The following UNC79 variants were observed in gnomAD, a reference collection of about 807,000 sequenced individuals.
The protein encoded by UNC79 is protein unc-79 homolog.
A neutral mutation model predicts 283.1 loss-of-function variants in UNC79; 37 were observed. The ratio of observed to expected loss-of-function variants is 0.13; its 90% confidence interval spans 0.10 to 0.17. UNC79 has a LOEUF of 0.17. Among genes scored for constraint, UNC79 ranks in the 10% least tolerant of loss-of-function variants. The pLI is 1.00. For missense variants in UNC79, 2,272 were observed against 3,211.1 expected (o/e 0.71, Z 7.07); for synonymous variants, 1,107 against 1,200.2 (o/e 0.92, Z 1.61).
intron 39 of UNC79, among the ~76,000 whole-genome samples, chr14:93,660,551 ATATATATATATATGTGTGTGTG>A (rs2071453106): frequency 8.4e-6 from 1 of 118,454 alleles, no homozygotes; most frequent in South Asian, 2.6e-4. Context: ...ATATATATAT[ATATATATATATATGTGTGTGTG>A]TGTGTGTTCA....
At chr14:93,413,053 T>A (rs2055369067) in intron 1 of UNC79, among the ~76,000 whole-genome samples, 1 of 152,188 alleles carries the variant, frequency 6.6e-6, no homozygotes, top group Non-Finnish European at 1.5e-5. Context: ...ATTATTATAC[T>A]TTAAGTTTTA....
intron 17 of UNC79, 114 bp from the exon 18 acceptor site, chr14:93,577,728 G>A: frequency 9.7e-7 from 1 of 1,031,348 alleles, no homozygotes; most frequent in Non-Finnish European, 1.4e-6. Flanking sequence ...CATTGGTTAA[G>A]GAAAGAAATA....
intron 1 of UNC79, among the ~76,000 whole-genome samples, chr14:93,425,277 C>A (rs2055700549): frequency 6.6e-6 from 1 of 152,164 alleles, no homozygotes. Flanking sequence ...AGAACTCACT[C>A]ACTATCACAA....
chr14:93,538,230 T>G lies in UNC79; in HGVS notation c.1352+12T>G, dbSNP rs1176856081. 6.5e-7 allele frequency: 1 copy of G among 1,550,254 alleles called. No individual in the cohort carries two copies. Among genetic ancestry groups the G allele is most frequent in the East Asian group, 2.3e-5 (1 of 43,336 alleles). ...GAAGCCGTGATCAGGTAACACGCAG[T>G]TTCTTAGTAGCTGCCTCTGACAACT... is the stretch of plus-strand genomic sequence containing the variant. On this transcript the variant is annotated intron_variant, in intron 12 of 48. Transcript: ENST00000555664.
At chr14:93,363,389 G>A (rs2054264015) in intron 1 of UNC79, among the ~76,000 whole-genome samples, 1 of 152,148 alleles carries the variant, frequency 6.6e-6, no homozygotes, top group African/African-American at 2.4e-5. Context: ...TGATTGTGTG[G>A]TTGGGTTTAA....
intron 1 of UNC79, among the ~76,000 whole-genome samples, chr14:93,350,340 A>G (rs2053958514): frequency 6.6e-6 from 1 of 152,150 alleles, no homozygotes; most frequent in Non-Finnish European, 1.5e-5. Flanking sequence ...GAATGTGAAT[A>G]TATTTTTGGT....
intron 1 of UNC79, among the ~76,000 whole-genome samples, chr14:93,364,836 C>CT (rs2054297102): frequency 6.6e-6 from 1 of 151,844 alleles, no homozygotes; most frequent in African/African-American, 2.4e-5. Context: ...AAATGGAAAG[C>CT]TTTTACAACT....
At chr14:93,411,714 T>C (rs1172303246) in intron 1 of UNC79, among the ~76,000 whole-genome samples, 2 of 152,232 alleles carry the variant, frequency 1.3e-5, no homozygotes, top group African/African-American at 4.8e-5. Flanking sequence ...TATGAGTCTG[T>C]GAGAACCACA....
chr14:93,537,641 T>A (rs1297590628), intron 11 of UNC79, among the ~76,000 whole-genome samples: 1 of 152,210 alleles, frequency 6.6e-6, no homozygotes, highest in East Asian at 1.9e-4. Context: ...TTTTTTTCTT[T>A]ATATTTCTGC....
Position 93,347,209 on chromosome 14 carries a change from G to A in UNC79, c.-351+13686G>A. On this transcript the variant is annotated intron_variant, in intron 1 of 49. Transcript: ENST00000256339. ...CTGCCTCACGAGCACTGGAGCTTGCGTTACTTGGCCTCACCTCACCTGTGC... is the reference window on the plus strand; with the variant it reads ...CTGCCTCACGAGCACTGGAGCTTGCATTACTTGGCCTCACCTCACCTGTGC... 4 of 1,513,630 alleles carry A rather than the reference G, an allele frequency of 2.6e-6. No homozygotes were observed. In the South Asian group the frequency reaches 5.0e-5, roughly 19 times the overall value. The allele number at this position is 1,513,630 out of a possible 1,614,324, so 93.8% of individuals were successfully genotyped here. A position where few individuals can be genotyped will look rare whatever the true frequency, so the allele number is the denominator to read the frequency against.
chr14:93,417,226 A>G (rs539735540), intron 1 of UNC79, among the ~76,000 whole-genome samples: 9 of 151,836 alleles, frequency 5.9e-5, no homozygotes, highest in Non-Finnish European at 1.0e-4. Context: ...GGTGGTGACA[A>G]AATCTCTCAG....
intron 7 of UNC79, among the ~76,000 whole-genome samples, chr14:93,511,680 C>T (rs548448989): frequency 5.3e-5 from 8 of 152,134 alleles, no homozygotes; most frequent in African/African-American, 1.4e-4. Context: ...CCCTTGACCT[C>T]GTGATCCACC....
At chr14:93,537,518 TCTA>T (rs1567071016) in intron 11 of UNC79, among the ~76,000 whole-genome samples, 1 of 152,240 alleles carries the variant, frequency 6.6e-6, no homozygotes, top group Non-Finnish European at 1.5e-5. Context: ...GTAGCGGAAA[TCTA>T]CTCTTTCAGG....
chr14:93,688,530 T>C lies in UNC79; in HGVS notation c.6910-135T>C, dbSNP rs1164347918. 2 of 941,208 alleles carry C rather than the reference T, an allele frequency of 2.1e-6. No homozygotes were observed. The highest frequency in any genetic ancestry group is 3.3e-5 in the African/African-American group (2 of 60,372). The allele number at this position is 941,208 out of a possible 1,614,324, so 58.3% of individuals were successfully genotyped here. On this transcript the variant is annotated intron_variant, in intron 43 of 48. Coordinates refer to ENST00000555664, the Ensembl canonical transcript of UNC79. This position sits in a 1 kb window ranked among gnomAD's most constrained non-coding sequence, Gnocchi z 4.0. ...TATCCTAAGAACAATGGGAAGGCTC[T>C]GAAGAAGTTTAAGCAGGTTGTTTGC...
intron 26 of UNC79, among the ~76,000 whole-genome samples, chr14:93,604,670 T>C (rs1033284452): frequency 6.6e-6 from 1 of 152,252 alleles, no homozygotes; most frequent in Non-Finnish European, 1.5e-5. Flanking sequence ...TTCTTGTTCA[T>C]TAATTCACAT....
intron 41 of UNC79, among the ~76,000 whole-genome samples, chr14:93,677,420 AGCAGGCAAAAGAGCTTGT>A: frequency 6.6e-6 from 1 of 152,340 alleles, no homozygotes; most frequent in South Asian, 2.1e-4. Flanking sequence ...CTTACATGGC[AGCAGGCAAAAGAGCTTGT>A]GCAGGGGAAC....
At chr14:93,589,127 T>C (rs1167785481) in intron 22 of UNC79, among the ~76,000 whole-genome samples, 1 of 151,922 alleles carries the variant, frequency 6.6e-6, no homozygotes, top group African/African-American at 2.4e-5. Flanking sequence ...ATCACCAGCT[T>C]TAGGGTTCGG....
chr14:93,498,462 G>T (rs529118230), intron 7 of UNC79, among the ~76,000 whole-genome samples: 19 of 151,682 alleles, frequency 1.3e-4, no homozygotes, highest in Admixed American at 5.3e-4. Context: ...GTGGTGGCAC[G>T]TGCCTCTAGT....
intron 1 of UNC79, among the ~76,000 whole-genome samples, chr14:93,380,409 C>T (rs1265433736): frequency 1.3e-5 from 2 of 152,190 alleles, no homozygotes; most frequent in African/African-American, 2.4e-5. Context: ...GGGGAGACTT[C>T]TCCACTCCCC....
Sources: allele counts gnomAD v4.1 joint callset (sites outside exome capture counted in the v4.1 genomes callset), GRCh38; gene constraint gnomAD v4.1.1; non-coding constraint Gnocchi (gnomAD v3.1); transcripts MANE v1.5; gene names NCBI Gene and HGNC (gene_info 2026-07-23, HGNC 2026-07-21).